Variants in LAMA3 observed in about 807,000 individuals in gnomAD.
LAMA3 encodes the protein laminin subunit alpha 3, also known as laminin subunit alpha-3.
A neutral mutation model predicts 402.0 loss-of-function variants in LAMA3; 281 were observed. The ratio of observed to expected loss-of-function variants is 0.70; its 90% confidence interval spans 0.63 to 0.77. The LOEUF is 0.77. LAMA3 is among the 30% of genes least tolerant of loss of function. The pLI is 0.00. For synonymous variants in LAMA3, 1,431 were observed against 1,558.4 expected, an observed-to-expected ratio of 0.92 and a Z score of 1.93; for missense variants, 3,840 against 4,215.5, an observed-to-expected ratio of 0.91 and a Z score of 2.47.
intron 12 of LAMA3, among the ~76,000 whole-genome samples, chr18:23,788,765 A>T (rs184596356): frequency 8.4e-4 from 128 of 152,082 alleles, no homozygotes; most frequent in African/African-American, 2.9e-3. Flanking sequence ...AAAATAGATA[A>T]ATTGGATTTC....
At chr18:23,863,318 G>A (rs1418908013) in intron 35 of LAMA3, among the ~76,000 whole-genome samples, 9 of 152,124 alleles carry the variant, frequency 5.9e-5, no homozygotes, top group Admixed American at 5.2e-4. Context: ...GGCGGCAGGC[G>A]CCTGTAGTCC....
chr18:23,856,535 G>A (rs1244854588), intron 32 of LAMA3, among the ~76,000 whole-genome samples: 3 of 152,094 alleles, frequency 2.0e-5, no homozygotes, highest in African/African-American at 7.2e-5. Flanking sequence ...CTCCAACCTC[G>A]AGTTCTGGGT....
intron 2 of LAMA3, among the ~76,000 whole-genome samples, chr18:23,741,774 T>G (rs755151566): frequency 6.6e-6 from 1 of 152,162 alleles, no homozygotes; most frequent in Non-Finnish European, 1.5e-5. Context: ...CTTAGCATTA[T>G]CAATAATAGG....
At chr18:23,741,955 C>G (rs1039802107) in intron 2 of LAMA3, among the ~76,000 whole-genome samples, 3 of 152,070 alleles carry the variant, frequency 2.0e-5, no homozygotes, top group African/African-American at 7.2e-5. Flanking sequence ...AAACCCATCT[C>G]TACTAAAAAT....
intron 13 of LAMA3, among the ~76,000 whole-genome samples, chr18:23,811,754 T>C (rs912457118): frequency 2.6e-5 from 4 of 152,120 alleles, no homozygotes; most frequent in Non-Finnish European, 5.9e-5. Flanking sequence ...GGGTGGCTCA[T>C]GCTTGTAATC....
At chr18:23,943,385 G>A (rs887217304) in intron 68 of LAMA3, among the ~76,000 whole-genome samples, 2 of 152,208 alleles carry the variant, frequency 1.3e-5, no homozygotes, top group African/African-American at 4.8e-5. Flanking sequence ...CAATCTGAAT[G>A]TACTTAACAG....
chr18:23,820,346 A>G (rs1317170340), intron 19 of LAMA3, among the ~76,000 whole-genome samples: 1 of 152,202 alleles, frequency 6.6e-6, no homozygotes, highest in East Asian at 1.9e-4. Flanking sequence ...TGTGAGGGAC[A>G]GTTTTCTTTA....
chr18:23,767,801 G>A (rs1168637200), intron 8 of LAMA3, among the ~76,000 whole-genome samples: 1 of 151,870 alleles, frequency 6.6e-6, no homozygotes, highest in African/African-American at 2.4e-5. Flanking sequence ...TCAAACTCCT[G>A]ACCTCAGGTG....
chr18:23,765,130 G>A (rs1014316073), intron 8 of LAMA3, among the ~76,000 whole-genome samples: 1 of 152,152 alleles, frequency 6.6e-6, no homozygotes, highest in African/African-American at 2.4e-5. Flanking sequence ...TTTACCCAGA[G>A]GGGAGGCCAA....
rs756104519 is a variant in LAMA3, at chr18:23,758,381, C to T, written c.948-15C>T. ...ACTTTTCAATAACTGAGATGCACTT[C>T]GCCCACATGCCCAGGTTTCGGTGTG... On this transcript the variant is annotated splice_polypyrimidine_tract_variant and intron_variant, in intron 6 of 74. Coordinates refer to ENST00000313654, the MANE Select transcript of LAMA3 (RefSeq NM_198129.4). The T allele has an allele frequency of 1.1e-5, 18 of 1,602,158 alleles. No individual in the cohort carries two copies. Among genetic ancestry groups the T allele is most frequent in the Middle Eastern group, 1.6e-4 (1 of 6,062 alleles).
At chr18:23,841,226 C>G (rs548439069) in intron 27 of LAMA3, among the ~76,000 whole-genome samples, 1 of 152,070 alleles carries the variant, frequency 6.6e-6, no homozygotes, top group Non-Finnish European at 1.5e-5. Flanking sequence ...GAACTATTTA[C>G]CCCCCCGAGT....
Position 23,858,715 on chromosome 18 carries a change from T to C in LAMA3, c.4308T>C (p.Asn1436=), listed in dbSNP as rs754022630. The C allele has an allele frequency of 9.3e-6, 15 of 1,614,070 alleles. No homozygotes were observed. Among genetic ancestry groups the C allele is most frequent in the Non-Finnish European group, 6.8e-6 (8 of 1,180,032 alleles). The change falls in exon 34 of 75, where the codon AAT becomes AAC. Residue 1436 remains asparagine, a synonymous_variant. Coordinates refer to ENST00000313654, the MANE Select transcript of LAMA3 (RefSeq NM_198129.4). ...CKENVEGTEC[N]VCREGSFHLD... is the part of the protein sequence containing the mutation. ...AAAATGTAGAAGGCACAGAGTGTAA[T>C]GTGTGTCGAGAAGGCTCATTCCATT...
Position 23,847,447 on chromosome 18 carries a change from C to G in LAMA3, c.3932-17C>G. 6.2e-7 allele frequency: 1 copy of G among 1,607,668 alleles called. No homozygotes were observed. The highest frequency in any genetic ancestry group is 8.5e-7 in the Non-Finnish European group (1 of 1,179,964). On this transcript the variant is annotated splice_polypyrimidine_tract_variant and intron_variant, in intron 31 of 74. Coordinates refer to ENST00000313654, the MANE Select transcript of LAMA3 (RefSeq NM_198129.4). Reference sequence around the variant, plus strand: ...GGCCTTTGACCCTCACATGGTATTTCTTTATCCCCTGGCCAGCGTGCAGCT... The same window carrying G: ...GGCCTTTGACCCTCACATGGTATTTGTTTATCCCCTGGCCAGCGTGCAGCT...
chr18:23,914,731 A>G lies in LAMA3; in HGVS notation c.7515A>G (p.Lys2505=). 6.2e-7 allele frequency: 1 copy of G among 1,613,860 alleles called. No homozygotes were observed. The highest frequency in any genetic ancestry group is 8.5e-7 in the Non-Finnish European group (1 of 1,179,790). Residue 2505 remains lysine, a synonymous_variant, in exon 58 of 75, where the codon AAA becomes AAG. Coordinates refer to ENST00000313654, the MANE Select transcript of LAMA3 (RefSeq NM_198129.4). ...AGTTTGCAAGGCTTAATTACACCAA[A>G]GGAGCCACATCCAGTAAACCAGAAA... is the stretch of plus-strand genomic sequence containing the variant. The part of the protein sequence containing the change: ...IYQFARLNYT[K]GATSSKPETP...
intron 72 of LAMA3, among the ~76,000 whole-genome samples, chr18:23,950,903 C>A (rs1568383335): frequency 6.6e-6 from 1 of 152,148 alleles, no homozygotes; most frequent in Non-Finnish European, 1.5e-5. Context: ...AGAGGAGGAG[C>A]TGGAGAGAGT....
intron 9 of LAMA3, among the ~76,000 whole-genome samples, chr18:23,774,258 A>G (rs1476010035): frequency 6.6e-6 from 1 of 152,214 alleles, no homozygotes; most frequent in South Asian, 2.1e-4. Context: ...AGAACAAGAC[A>G]ACACAGTAAT....
chr18:23,880,443 T>C lies in LAMA3; in HGVS notation c.5113-1493T>C, dbSNP rs755726478. ...TAATTTTCAGTTACTCAAAGGTTAG[T>C]GAAGGATGGATTTGCTCAATCTGGA... On this transcript the variant is annotated intron_variant, in intron 39 of 74. Transcript: ENST00000313654. Among the ~76,000 whole-genome samples, 4 of 152,210 alleles carry C rather than the reference T, an allele frequency of 2.6e-5. No individual in the cohort carries two copies. The South Asian group carries it at 8.3e-4, about 31-fold the overall frequency.
chr18:23,826,658 T>C lies in LAMA3; in HGVS notation c.2572-44T>C, dbSNP rs1185309572. ...GATTATTTTCTATCCAAAGTAGGGC[T>C]ACCATCAAAATGAATGATTCTCCTT... On this transcript the variant is annotated intron_variant, in intron 21 of 74. Transcript: ENST00000313654. 6.8e-6 allele frequency: 9 copies of C among 1,325,438 alleles called. No homozygotes were observed. In the African/African-American group the frequency reaches 1.3e-4, roughly 19 times the overall value. 82.1% of individuals were successfully genotyped at this position (1,325,438 alleles called of 1,614,324 possible).
chr18:23,782,760 T>C (rs749013088), intron 11 of LAMA3, among the ~76,000 whole-genome samples: 4 of 151,636 alleles, frequency 2.6e-5, no homozygotes, highest in Non-Finnish European at 5.9e-5. Flanking sequence ...CCTGGCTGTG[T>C]GAACTTGGGG....
Sources: gnomAD v4.1 joint callset for allele counts (sites outside exome capture counted in the v4.1 genomes callset) on GRCh38, gnomAD v4.1.1 for gene constraint, MANE v1.5 for transcripts, NCBI Gene and HGNC (gene_info 2026-07-23, HGNC 2026-07-21) for gene names.